Variants in POR observed in about 807,000 individuals in gnomAD.
POR encodes NADPH--cytochrome P450 reductase.
In POR, 56 loss-of-function variants were observed where a neutral mutation model predicts 84.0. The ratio of observed to expected loss-of-function variants is 0.67; its 90% CI spans 0.54 to 0.83. The LOEUF is 0.83. POR is among the 40% of genes least tolerant of loss of function. The probability of loss-of-function intolerance (pLI) is 0.00; values close to 1 mark genes in which losing one functional copy is unlikely to be tolerated. For synonymous variants in POR, 414 were observed against 400.5 expected (o/e 1.03, Z -0.40); for missense variants, 938 against 944.3 (o/e 0.99, Z 0.09).
chr7:75,953,134 C>T (rs1787523972), intron 1 of POR, among the ~76,000 whole-genome samples: 1 of 152,156 alleles, frequency 6.6e-6, no homozygotes, highest in Non-Finnish European at 1.5e-5. Context: ...CCGGCCAACA[C>T]AGCGAAACCC....
intron 2 of POR, among the ~76,000 whole-genome samples, chr7:75,957,094 A>C (rs1554553831): frequency 6.6e-6 from 1 of 152,210 alleles, no homozygotes; most frequent in East Asian, 1.9e-4. Flanking sequence ...GCCTCCTTGC[A>C]ACAGCGCCGT....
chr7:75,985,456 T>C, intron 12 of POR, 123 bp from the exon 13 acceptor site: 2 of 1,277,260 alleles, frequency 1.6e-6, no homozygotes, highest in Non-Finnish European at 1.0e-6. Context: ...CTCTGAGGTT[T>C]GGGTGCCAGG....
At chr7:75,957,816 A>T (rs1487796842) in intron 2 of POR, among the ~76,000 whole-genome samples, 2 of 152,108 alleles carry the variant, frequency 1.3e-5, no homozygotes, top group African/African-American at 4.8e-5. Flanking sequence ...ATTAAATCAC[A>T]CTGGATGCCT....
chr7:75,984,896 G>A lies in POR; in HGVS notation c.1186G>A (p.Ala396Thr), dbSNP rs1554558799. 34 of 1,611,720 alleles carry A rather than the reference G, an allele frequency of 2.1e-5. No individual in the cohort carries two copies. Among genetic ancestry groups the A allele is most frequent in the South Asian group, 5.5e-5 (5 of 91,056 alleles). Reference sequence around the variant, plus strand: ...CGTGCTGTACGAGCTGGCGCAGTACGCCTCGGAGCCCTCGGAGCAGGAGCT... The same window carrying A: ...CGTGCTGTACGAGCTGGCGCAGTACACCTCGGAGCCCTCGGAGCAGGAGCT... The change falls in exon 11 of 16, where the codon GCC becomes ACC. Residue 396 changes from alanine (A) to threonine (T), a missense_variant. Physicochemically the swap from Ala to Thr is moderately conservative, Grantham distance 58. Transcript: ENST00000461988.
rs782559723 is a variant in POR at position 75,986,038 on chromosome 7, C to T, written c.1785C>T (p.Asn595=). Residue 595 remains asparagine (N), a synonymous_variant, in exon 14 of 16, where the codon AAC becomes AAT. Transcript: ENST00000461988. ...GGGACGGTGCGCTCACCCAGCTCAACGTGGCCTTCTCCCGGGAGCAGTCCC... is the reference window on the plus strand; with the variant it reads ...GGGACGGTGCGCTCACCCAGCTCAATGTGGCCTTCTCCCGGGAGCAGTCCC... 5.1e-5 allele frequency: 80 copies of T among 1,560,542 alleles called. 1 individual carries two copies. Among genetic ancestry groups the T allele is most frequent in the Admixed American group, 4.4e-4 (23 of 51,754 alleles).
chr7:75,957,602 A>G (rs1787743307), intron 2 of POR, among the ~76,000 whole-genome samples: 1 of 151,932 alleles, frequency 6.6e-6, no homozygotes, highest in Non-Finnish European at 1.5e-5. Context: ...TCTCGCTGTC[A>G]CCTCCCTGGC....
At chr7:75,923,386 G>T in intron 1 of POR, 1 of 741,828 alleles carries the variant, frequency 1.3e-6, no homozygotes, top group South Asian at 1.4e-5. Context: ...GAAGGAGATT[G>T]GCACACCTCC....
At chr7:75,939,102 T>C (rs1554551192) in intron 1 of POR, among the ~76,000 whole-genome samples, 1 of 152,224 alleles carries the variant, frequency 6.6e-6, no homozygotes, top group African/African-American at 2.4e-5. Context: ...GGAGGACACC[T>C]TGGGGCAAGG....
intron 3 of POR, among the ~76,000 whole-genome samples, chr7:75,976,067 C>T (rs1788672936): frequency 1.3e-5 from 2 of 151,886 alleles, no homozygotes; most frequent in South Asian, 4.2e-4. Context: ...TGGCGTGAGT[C>T]CTTTGTGTGT....
rs1789323867 is a variant in POR, at chr7:75,984,972, GC to G, written c.1248+19del. The G allele has an allele frequency of 6.3e-7, 1 of 1,577,380 alleles. No individual in the cohort carries two copies. On this transcript the variant is annotated intron_variant, in intron 11 of 15. Coordinates refer to ENST00000461988, the MANE Select transcript of POR (RefSeq NM_000941.3). ...GGCGAGGGCAAGGTGCGCCCCCTCA[GC>G]CCCCGCAACCTCCGCCCCGTCACCC...
intron 1 of POR, among the ~76,000 whole-genome samples, chr7:75,928,876 A>G (rs1807279632): frequency 6.6e-6 from 1 of 152,044 alleles, no homozygotes; most frequent in Non-Finnish European, 1.5e-5. Context: ...GCTGCCGGCA[A>G]GTACGCAGCT....
intron 2 of POR, among the ~76,000 whole-genome samples, chr7:75,960,865 C>A (rs1787905514): frequency 6.6e-6 from 1 of 152,028 alleles, no homozygotes; most frequent in Non-Finnish European, 1.5e-5. Flanking sequence ...TCTAGGGAAA[C>A]CTGTGGCCTC....
intron 1 of POR, among the ~76,000 whole-genome samples, chr7:75,927,502 G>T (rs1554549671): frequency 6.6e-6 from 1 of 151,876 alleles, no homozygotes. Flanking sequence ...CAAAAACCAG[G>T]TCAGGAGTGG....
At chr7:75,978,814 G>A (rs1788830470) in intron 3 of POR, among the ~76,000 whole-genome samples, 1 of 151,204 alleles carries the variant, frequency 6.6e-6, no homozygotes, top group Non-Finnish European at 1.5e-5. Context: ...GTGAGCCACT[G>A]GAGGTGGAGT....
intron 1 of POR, among the ~76,000 whole-genome samples, chr7:75,931,626 C>T (rs1807425478): frequency 1.3e-5 from 2 of 152,132 alleles, no homozygotes; most frequent in African/African-American, 4.8e-5. Context: ...GCCTTGGTCT[C>T]CCAAAGTGCT....
chr7:75,973,824 C>T (rs1554556511), intron 3 of POR, among the ~76,000 whole-genome samples: 1 of 151,536 alleles, frequency 6.6e-6, no homozygotes, highest in African/African-American at 2.4e-5. Flanking sequence ...TGGGGTTAGA[C>T]GCCTGCCACC....
chr7:75,968,877 A>T (rs1788308809), intron 2 of POR, among the ~76,000 whole-genome samples: 1 of 152,126 alleles, frequency 6.6e-6, no homozygotes. Flanking sequence ...AGGAGGTCAC[A>T]TGGAAGCCCT....
chr7:75,972,292 G>T, intron 2 of POR, 121 bp from the exon 3 acceptor site: 1 of 879,200 alleles, frequency 1.1e-6, no homozygotes. Context: ...AAGCTGGAAT[G>T]TCCCCTCCCT....
At chr7:75,920,637 C>T (rs1310753556) in intron 1 of POR, among the ~76,000 whole-genome samples, 4 of 151,978 alleles carry the variant, frequency 2.6e-5, no homozygotes, top group East Asian at 1.9e-4. Context: ...GTGGTGATGC[C>T]GGTGTTCTTA....
Sources: gnomAD v4.1 joint callset for allele counts (sites outside exome capture counted in the v4.1 genomes callset) on GRCh38, gnomAD v4.1.1 for gene constraint, MANE v1.5 for transcripts, NCBI Gene and HGNC (gene_info 2026-07-23, HGNC 2026-07-21) for gene names.